The following RGS11 variants were observed in gnomAD, a reference collection of about 807,000 sequenced individuals.
RGS11 encodes regulator of G-protein signaling 11.
RGS11 carries 86 observed loss-of-function variants against 71.1 expected under a neutral mutation model. The observed-to-expected ratio is 1.21, with a 90% CI of 1.02 to 1.45. The LOEUF (loss-of-function observed/expected upper bound fraction) is 1.45, where lower values mean the gene tolerates loss of function less well. Among genes scored for constraint, RGS11 ranks in the 40% most tolerant of loss-of-function variants. The pLI is 0.00. For missense variants in RGS11, 734 were observed against 635.1 expected (o/e 1.16, Z -1.67); for synonymous variants, 298 against 254.2 (o/e 1.17, Z -1.64).
chr16:269,859 T>C (rs58846708), intron 15 of RGS11: 37,375 of 391,576 alleles, frequency 0.095, 2,681 homozygotes, highest in East Asian at 0.3. Context: ...CCTCAGCCAT[T>C]AGCGGGAACC....
intron 1 of RGS11, 110 bp from the exon 2 acceptor site, chr16:275,608 G>T: frequency 3.0e-6 from 3 of 992,062 alleles, no homozygotes; most frequent in Non-Finnish European, 2.9e-6. Context: ...GCGCGGCGGC[G>T]GCGGATTCCA....
chr16:270,706 G>T (rs775502376), intron 14 of RGS11, 38 bp downstream of exon 14: 1 of 1,609,860 alleles, frequency 6.2e-7, no homozygotes, highest in Admixed American at 1.7e-5. Context: ...GGGTGCACCT[G>T]CCCGTTGGCC....
At position 271,208 on chromosome 16, in the gene RGS11, G is replaced by A. The variant is rs2051921810; in HGVS notation, c.857C>T (p.Ala286Val). Reference protein sequence around the residue: ...SDNDAYWVMNAPTVAAPTKLR... With the variant: ...SDNDAYWVMNVPTVAAPTKLR... Reference sequence around the variant, plus strand: ...CTGCCCCGCCTGGGCTCACGTGGGGGCATTCATGACCCAGTAGGCGTCATT... The same window carrying A: ...CTGCCCCGCCTGGGCTCACGTGGGGACATTCATGACCCAGTAGGCGTCATT... Residue 286 changes from alanine (A) to valine (V), a missense_variant, in exon 12 of 17, where the codon GCC (alanine) becomes GTC (valine). Coordinates refer to ENST00000397770, the MANE Select transcript of RGS11 (RefSeq NM_183337.3). 7 of 1,612,388 alleles carry A rather than the reference G, an allele frequency of 4.3e-6. No individual in the cohort carries two copies. Among genetic ancestry groups the A allele is most frequent in the Non-Finnish European group, 5.9e-6 (7 of 1,179,546 alleles).
rs368309923 is a variant in RGS11 at position 271,398 on chromosome 16, C to T, written c.749+1G>A. 2.4e-5 allele frequency: 39 copies of T among 1,613,536 alleles called. No individual in the cohort carries two copies. Among genetic ancestry groups the T allele is most frequent in the African/African-American group, 8.0e-5 (6 of 74,910 alleles). On this transcript the variant is annotated splice_donor_variant, in intron 11 of 16. Coordinates refer to ENST00000397770, the MANE Select transcript of RGS11 (RefSeq NM_183337.3). LOFTEE classifies it high-confidence loss of function. ...CAGCTGCCACCCCTCACCCCACTCA[C>T]GCCTCAAGGCAGACGGAGGACTTCA...
intron 9 of RGS11, chr16:272,134 C>A (rs1234875087): frequency 2.6e-6 from 3 of 1,140,768 alleles, no homozygotes; most frequent in Non-Finnish European, 3.3e-6. Flanking sequence ...CCGCGCCCGG[C>A]CTAATATGTC....
chr16:274,398 C>T, intron 4 of RGS11, 133 bp from the exon 5 acceptor site: 1 of 899,378 alleles, frequency 1.1e-6, no homozygotes, highest in Non-Finnish European at 1.7e-6. Flanking sequence ...TGCCTGCCCA[C>T]CACCGAGAGA....
At position 269,543 on chromosome 16, in the gene RGS11, G is replaced by A. The variant is rs1209155153; in HGVS notation, c.1249C>T (p.Leu417Phe). The change falls in exon 16 of 17, where the codon CTC becomes TTC. Residue 417 changes from leucine to phenylalanine, a missense_variant. Leu to Phe is a conservative substitution (Grantham distance 22). Coordinates refer to ENST00000397770, the MANE Select transcript of RGS11 (RefSeq NM_183337.3). ...AGCGGGATCCCAGCCTCTGCCAGGA[G>A]GGCCTTGTACATGTCAGACTTCAGG... ...RFLKSDMYKA[L>F]LAEAGIPLEM... The A allele has an allele frequency of 1.2e-6, 2 of 1,613,422 alleles. No homozygotes were observed. Among genetic ancestry groups the A allele is most frequent in the African/African-American group, 1.3e-5 (1 of 75,052 alleles).
At chr16:270,857 GA>G (rs1484054803) in intron 13 of RGS11, 26 bp from the exon 14 acceptor site, 1 of 1,604,668 alleles carries the variant, frequency 6.2e-7, no homozygotes, top group Non-Finnish European at 8.5e-7. Flanking sequence ...CCCAGTCAAG[GA>G]TCCCATCGAG....
chr16:272,919 C>CG lies in RGS11; in HGVS notation c.600dup (p.Asp201ArgfsTer27). On this transcript the variant is annotated frameshift_variant, in exon 9 of 17. Coordinates refer to ENST00000397770, the MANE Select transcript of RGS11 (RefSeq NM_183337.3). LOFTEE classifies it high-confidence loss of function. Reference sequence around the variant, plus strand: ...CGCCCTGGACCCTGCTCCAGCACATCGGGGGCCCCGGGCTGCGGAGGGGAG... The same window carrying CG: ...CGCCCTGGACCCTGCTCCAGCACATCGGGGGGCCCCGGGCTGCGGAGGGGAG... 6.6e-7 allele frequency: 1 copy of CG among 1,517,224 alleles called. No individual in the cohort carries two copies. 94.0% of individuals were successfully genotyped at this position (1,517,224 alleles called of 1,614,324 possible).
chr16:270,642 C>T lies in RGS11; in HGVS notation c.1087G>A (p.Ala363Thr). The stretch of plus-strand genomic sequence containing the variant: ...CTGTCGATGTTGACCCAGTGGGCAG[C>T]TCCGGGGGCCAGGAACTGCCTAGGG... ...AVYEQFLAPG[A>T]AHWVNIDSRT... The change falls in exon 15 of 17, where the codon GCT becomes ACT. Residue 363 changes from alanine (A) to threonine (T), a missense_variant. By Grantham distance (58) the Ala-to-Thr change is moderately conservative. Coordinates refer to ENST00000397770, the MANE Select transcript of RGS11 (RefSeq NM_183337.3). 1 of 1,609,384 alleles carries T rather than the reference C, an allele frequency of 6.2e-7. No individual in the cohort carries two copies. Among genetic ancestry groups the T allele is most frequent in the Non-Finnish European group, 8.5e-7 (1 of 1,178,628 alleles).
chr16:273,658 C>T, intron 7 of RGS11, 102 bp from the exon 8 acceptor site: 1 of 1,502,074 alleles, frequency 6.7e-7, no homozygotes. Flanking sequence ...CCCAGGGGTG[C>T]CCTCCACGGT....
rs1430983218 is a variant in RGS11 at position 269,449 on chromosome 16, C to T, written c.1289+54G>A. ...GTGTCCTGCCCACCTCACTGCAGGG[C>T]CCCAGCAGCCCCCAGGCCACAGCCG... On this transcript the variant is annotated intron_variant, in intron 16 of 16. Transcript: ENST00000397770. 4.4e-6 allele frequency: 7 copies of T among 1,592,748 alleles called. No individual in the cohort carries two copies. In the South Asian group the frequency reaches 4.4e-5, roughly 10 times the overall value.
In RGS11 at chr16:273,061, A is replaced by G. The variant is rs546674725; in HGVS notation, c.589-130T>C. The G allele has an allele frequency of 5.3e-4, 459 of 859,380 alleles. 7 individuals carry two copies. In the South Asian group the frequency reaches 6.0e-3, roughly 11 times the overall value. 53.2% of individuals were successfully genotyped at this position (859,380 alleles called of 1,614,324 possible). A position where few individuals can be genotyped will look rare whatever the true frequency, so the allele number is the denominator to read the frequency against. ...AGGAACTCGGGAAGAGTCCCGACCTAGCCGTCAGCTGTCTCTTCTCTGCTC... is the reference window on the plus strand; with the variant it reads ...AGGAACTCGGGAAGAGTCCCGACCTGGCCGTCAGCTGTCTCTTCTCTGCTC... On this transcript the variant is annotated intron_variant, in intron 8 of 16. Coordinates refer to ENST00000397770, the MANE Select transcript of RGS11 (RefSeq NM_183337.3).
chr16:275,803 G>A, intron 1 of RGS11, 46 bp downstream of exon 1: 1 of 828,994 alleles, frequency 1.2e-6, no homozygotes, highest in Non-Finnish European at 1.6e-6. Flanking sequence ...CCCGGCCTCG[G>A]GCGCCGGGAA....
At position 268,507 on chromosome 16, in the gene RGS11, C is replaced by T. The variant is rs919287896; in HGVS notation, c.*762G>A. 9.2e-6 allele frequency: 5 copies of T among 540,894 alleles called. No homozygotes were observed. The highest frequency in any genetic ancestry group is 1.7e-5 in the Non-Finnish European group (5 of 299,986). The allele number at this position is 540,894 out of a possible 1,614,324, so 33.5% of individuals were successfully genotyped here. A position where few individuals can be genotyped will look rare whatever the true frequency, so the allele number is the denominator to read the frequency against. On this transcript the variant is annotated 3_prime_UTR_variant, in exon 17 of 17. Coordinates refer to ENST00000397770, the MANE Select transcript of RGS11 (RefSeq NM_183337.3). The stretch of plus-strand genomic sequence containing the variant: ...GGCACTTGGGGGATGGGGAGCAAGG[C>T]CAGCTCACGAAGGAAGACTTGGGCA...
chr16:271,798 C>G (rs1363350874), intron 9 of RGS11: 2 of 580,984 alleles, frequency 3.4e-6, no homozygotes. Context: ...TCCACGGAAC[C>G]TCAGGTTCTC....
chr16:269,483 AG>A lies in RGS11; in HGVS notation c.1289+19del. Reference sequence around the variant, plus strand: ...CCCCCAGGCCACAGCCGCCGGCCACAGGGCACTGCCTGGGCTCACCGTCTCT... The same window carrying A: ...CCCCCAGGCCACAGCCGCCGGCCACAGGCACTGCCTGGGCTCACCGTCTCT... On this transcript the variant is annotated intron_variant, in intron 16 of 16. Coordinates refer to ENST00000397770, the MANE Select transcript of RGS11 (RefSeq NM_183337.3). The A allele has an allele frequency of 1.2e-6, 2 of 1,611,244 alleles. No homozygotes were observed. The highest frequency in any genetic ancestry group is 1.7e-6 in the Non-Finnish European group (2 of 1,178,650).
In RGS11 at chr16:271,298, C is replaced by T. The variant is rs564581589; in HGVS notation, c.767G>A (p.Gly256Asp). 6.2e-7 allele frequency: 1 copy of T among 1,612,952 alleles called. No individual in the cohort carries two copies. The highest frequency in any genetic ancestry group is 1.1e-5 in the South Asian group (1 of 91,072). Residue 256 changes from glycine (G) to aspartate (D), a missense_variant, in exon 12 of 17, where the codon GGC (glycine) becomes GAC (aspartate). Transcript: ENST00000397770. The stretch of plus-strand genomic sequence containing the variant: ...GAGGGGATCGTGGGGTCCACGCTGG[C>T]CGCAGAAACTCAGGTACCTGGAAGG... The part of the protein sequence containing the change: ...VCLEAYLSFC[G>D]QRGPHDPLVS...
rs146876910 is a variant in RGS11, at chr16:272,883, C to T, written c.637G>A (p.Ala213Thr). 1,246 of 1,539,052 alleles carry T rather than the reference C, an allele frequency of 8.1e-4. 9 individuals are homozygous for T. In the African/African-American group the frequency reaches 0.013, roughly 16 times the overall value. The change falls in exon 9 of 17, where the codon GCT becomes ACT. Residue 213 changes from alanine to threonine, a missense_variant. Coordinates refer to ENST00000397770, the MANE Select transcript of RGS11 (RefSeq NM_183337.3). ...LEQGPGRGSC[A>T]ASRVLMTKSA... ...CTCACCATGAGCACACGGCTGGCAGCGCAGGATCCCCGCCCTGGACCCTGC... is the reference window on the plus strand; with the variant it reads ...CTCACCATGAGCACACGGCTGGCAGTGCAGGATCCCCGCCCTGGACCCTGC...
Sources: allele counts gnomAD v4.1 joint callset, GRCh38; gene constraint gnomAD v4.1.1; transcripts MANE v1.5; gene names NCBI Gene and HGNC (gene_info 2026-07-23, HGNC 2026-07-21).